Variants in CCNH observed in about 807,000 individuals in gnomAD.
CCNH encodes the protein cyclin H.
CCNH carries 31 observed loss-of-function variants against 41.9 expected under a neutral mutation model. The observed-to-expected ratio is 0.74, with a 90% CI of 0.56 to 1.00. The LOEUF is 1.00. CCNH is among the 50% of genes least tolerant of loss of function. The pLI, the probability that CCNH is intolerant of heterozygous loss-of-function variation, is 0.00. For synonymous variants in CCNH, 138 were observed against 136.1 expected (o/e 1.01, Z -0.10); for missense variants, 362 against 388.4 (o/e 0.93, Z 0.57).
chr5:87,332,410 G>A lies in CCNH; in HGVS notation c.*91-13513C>T, dbSNP rs918751235. On this transcript the variant is annotated intron_variant and NMD_transcript_variant, in intron 9 of 9. Transcript: ENST00000645953. ...TAAGGATATAGTTACAAGGAAAAGA[G>A]TATGGAAATTATGGATTTATAATTT... The A allele has an allele frequency of 9.7e-6, 12 of 1,239,810 alleles. No individual in the cohort carries two copies. The Admixed American group carries it at 2.2e-4, about 22-fold the overall frequency. The allele number at this position is 1,239,810 out of a possible 1,614,324, so 76.8% of individuals were successfully genotyped here.
At position 87,412,876 on chromosome 5, in the gene CCNH, C is replaced by G. The variant is rs532213185; in HGVS notation, c.-82G>C. Reference sequence around the variant, plus strand: ...GTCCTGGCGTAAAACACCCGTACCCCCACCGAAGATCTCGCGGAAGCCTAG... The same window carrying G: ...GTCCTGGCGTAAAACACCCGTACCCGCACCGAAGATCTCGCGGAAGCCTAG... On this transcript the variant is annotated 5_prime_UTR_variant, in exon 1 of 9. Coordinates refer to ENST00000256897, the MANE Select transcript of CCNH (RefSeq NM_001239.4). The G allele has an allele frequency of 1.2e-5, 19 of 1,557,696 alleles. No homozygotes were observed. The East Asian group carries it at 3.7e-4, about 30-fold the overall frequency.
intron 9 of CCNH, among the ~76,000 whole-genome samples, chr5:87,362,311 T>A (rs1760166768): frequency 6.6e-6 from 1 of 152,180 alleles, no homozygotes; most frequent in African/African-American, 2.4e-5. Flanking sequence ...ACAGACAACT[T>A]ATTAGTTGTT....
At chr5:87,359,391 T>A (rs1759901720) in intron 9 of CCNH, among the ~76,000 whole-genome samples, 1 of 152,116 alleles carries the variant, frequency 6.6e-6, no homozygotes, top group Non-Finnish European at 1.5e-5. Context: ...CTCCTCTCAT[T>A]GACTAGGACT....
At chr5:87,399,322 TA>T in intron 7 of CCNH, 71 bp downstream of exon 7, 2 of 1,107,546 alleles carry the variant, frequency 1.8e-6, no homozygotes, top group Non-Finnish European at 1.4e-6. Flanking sequence ...CAAACACCAA[TA>T]AAATGATTTA....
At chr5:87,385,479 C>A in intron 9 of CCNH, 1 of 1,005,446 alleles carries the variant, frequency 9.9e-7, no homozygotes, top group Non-Finnish European at 1.5e-6. Flanking sequence ...AAATTTTTAG[C>A]AGTGAAATTT....
chr5:87,342,470 A>C (rs1490743812), intron 9 of CCNH, among the ~76,000 whole-genome samples: 1 of 152,122 alleles, frequency 6.6e-6, no homozygotes, highest in Non-Finnish European at 1.5e-5. Flanking sequence ...GGAGTTGCAA[A>C]TTCTAATTAA....
downstream of CCNH, among the ~76,000 whole-genome samples, chr5:87,315,991 C>T (rs1324871411): frequency 3.3e-5 from 5 of 151,936 alleles, no homozygotes; most frequent in East Asian, 1.9e-4. Context: ...TTAGTAATTT[C>T]CTTAAAATTA....
At chr5:87,321,443 A>G (rs1236627162) in intron 9 of CCNH, among the ~76,000 whole-genome samples, 6 of 152,088 alleles carry the variant, frequency 3.9e-5, no homozygotes, top group African/African-American at 1.4e-4. Context: ...CCTCCTTCCC[A>G]CTGGTTGTAA....
exon 1 of CCNH, chr5:87,376,582 C>T: frequency 6.2e-7 from 1 of 1,607,514 alleles, no homozygotes; most frequent in Non-Finnish European, 8.5e-7. Flanking sequence ...AATTATTTAT[C>T]AGTCTTGTTT....
At chr5:87,385,444 T>C in intron 9 of CCNH, 2 of 1,320,900 alleles carry the variant, frequency 1.5e-6, no homozygotes, top group Non-Finnish European at 2.2e-6. Flanking sequence ...TTTGACATGA[T>C]AAAACCATAA....
downstream of CCNH, chr5:87,392,110 C>T: frequency 2.8e-6 from 1 of 361,666 alleles, no homozygotes; most frequent in Non-Finnish European, 5.4e-6. Context: ...CATAATTGTG[C>T]AGGGCAGATA....
chr5:87,336,564 G>A (rs1390201478), intron 9 of CCNH, among the ~76,000 whole-genome samples: 1 of 151,944 alleles, frequency 6.6e-6, no homozygotes, highest in Non-Finnish European at 1.5e-5. Context: ...TATAGAATGA[G>A]TTATGATTAG....
In CCNH at chr5:87,408,028, A is replaced by G; in HGVS notation, c.473T>C (p.Leu158Pro). The G allele has an allele frequency of 6.2e-7, 1 of 1,613,934 alleles. No individual in the cohort carries two copies. Among genetic ancestry groups the G allele is most frequent in the Non-Finnish European group, 8.5e-7 (1 of 1,179,768 alleles). ...LLLIQQLNFHLIVHNPYRPFE... is the reference protein window; with the variant it reads ...LLLIQQLNFHPIVHNPYRPFE... ...TGGTCTGTAAGGATTGTGGACAATA[A>G]GGTGGAAATTAAGTTGCTGTATAAG... The change falls in exon 4 of 9, where the codon CTT (leucine) becomes CCT (proline). Residue 158 changes from leucine (L) to proline (P), a missense_variant. Leu to Pro is a moderately conservative substitution (Grantham distance 98, BLOSUM62 -3). Coordinates refer to ENST00000256897, the MANE Select transcript of CCNH (RefSeq NM_001239.4).
intron 9 of CCNH, among the ~76,000 whole-genome samples, chr5:87,370,727 T>C (rs929648267): frequency 4.6e-5 from 7 of 152,186 alleles, no homozygotes; most frequent in Non-Finnish European, 1.0e-4. Flanking sequence ...TTTATACAAA[T>C]ACAGCTAAAT....
upstream of CCNH, chr5:87,379,817 A>G (rs778528173): frequency 2.5e-6 from 4 of 1,612,846 alleles, no homozygotes; most frequent in Non-Finnish European, 3.4e-6. Flanking sequence ...GAGCTTGTGG[A>G]GAAAATATTC....
chr5:87,410,728 A>C (rs1764168430), intron 2 of CCNH, among the ~76,000 whole-genome samples: 1 of 152,154 alleles, frequency 6.6e-6, no homozygotes, highest in Non-Finnish European at 1.5e-5. Context: ...AGGTCCTCAG[A>C]ACCATACATC....
At chr5:87,332,341 A>G (rs554871804) in intron 9 of CCNH, among the ~76,000 whole-genome samples, 1 of 152,100 alleles carries the variant, frequency 6.6e-6, no homozygotes, top group Non-Finnish European at 1.5e-5. Flanking sequence ...AATAGCCCCA[A>G]GTAATTTACT....
At chr5:87,387,835 C>CT (rs200966316), downstream of CCNH, among the ~76,000 whole-genome samples, 44 of 152,192 alleles carry the variant, frequency 2.9e-4, 1 homozygote, top group East Asian at 6.8e-3. Flanking sequence ...GTCCATCATG[C>CT]TTCTATATGT....
At chr5:87,359,211 G>C (rs1425822415) in intron 9 of CCNH, among the ~76,000 whole-genome samples, 6 of 152,132 alleles carry the variant, frequency 3.9e-5, no homozygotes, top group Admixed American at 6.6e-5. Context: ...GCTAGGATCT[G>C]CAAGTTAAGT....
Sources: allele counts gnomAD v4.1 joint callset (sites outside exome capture counted in the v4.1 genomes callset), GRCh38; gene constraint gnomAD v4.1.1; transcripts MANE v1.5; gene names NCBI Gene and HGNC (gene_info 2026-07-23, HGNC 2026-07-21).